The following CFAP107 variants were observed in gnomAD, a reference collection of about 807,000 sequenced individuals.
CFAP107 encodes cilia- and flagella-associated protein 107.
the CFAP107 span, chr1:12,753,299 A>G: frequency 6.6e-6 from 1 of 152,016 alleles, no homozygotes; most frequent in Non-Finnish European, 1.5e-5. Context: ...ACACAAAGCT[A>G]TCTACAGATT....
chr1:12,748,128 T>C, the CFAP107 span, among the ~76,000 whole-genome samples: 1 of 152,172 alleles, frequency 6.6e-6, no homozygotes, highest in Non-Finnish European at 1.5e-5. Flanking sequence ...AAGTGGCAGC[T>C]CGGCTCCAAG....
the CFAP107 span, chr1:12,760,789 A>G: frequency 6.2e-7 from 1 of 1,613,592 alleles, no homozygotes; most frequent in African/African-American, 1.3e-5. Flanking sequence ...CAAACTATGG[A>G]CTCTATGAGC....
At chr1:12,760,136 G>A in the CFAP107 span, among the ~76,000 whole-genome samples, 2 of 152,094 alleles carry the variant, frequency 1.3e-5, no homozygotes, top group South Asian at 2.1e-4. Context: ...GGAAGGAACA[G>A]TAAATGAAAA....
chr1:12,755,865 C>G, the CFAP107 span: 3 of 1,238,318 alleles, frequency 2.4e-6, no homozygotes, highest in Non-Finnish European at 3.5e-6. Context: ...ACCCAAAGCT[C>G]AGGGGACACC....
At chr1:12,751,594 T>C in the CFAP107 span, among the ~76,000 whole-genome samples, 1 of 152,160 alleles carries the variant, frequency 6.6e-6, no homozygotes, top group African/African-American at 2.4e-5. Context: ...ACCACTGCAC[T>C]CCAACCTGGG....
At chr1:12,759,872 TG>T in the CFAP107 span, among the ~76,000 whole-genome samples, 7 of 152,040 alleles carry the variant, frequency 4.6e-5, no homozygotes, top group Non-Finnish European at 1.0e-4. Flanking sequence ...CTCGGGGAGT[TG>T]ACATTCCAGG....
the CFAP107 span, among the ~76,000 whole-genome samples, chr1:12,751,100 A>G: frequency 8.5e-5 from 13 of 152,188 alleles, no homozygotes; most frequent in African/African-American, 2.9e-4. Flanking sequence ...TAATGAAAAT[A>G]CAACATACCA....
the CFAP107 span, among the ~76,000 whole-genome samples, chr1:12,746,770 G>C: frequency 1.3e-5 from 2 of 152,064 alleles, no homozygotes; most frequent in Non-Finnish European, 2.9e-5. Flanking sequence ...TTATCGAAAA[G>C]ACCACTGACA....
At chr1:12,755,823 A>G in the CFAP107 span, 1 of 1,586,560 alleles carries the variant, frequency 6.3e-7, no homozygotes, top group East Asian at 2.2e-5. Flanking sequence ...GGTAAGAGGG[A>G]GTGGCAACTG....
At chr1:12,757,394 T>G in the CFAP107 span, among the ~76,000 whole-genome samples, 3 of 151,852 alleles carry the variant, frequency 2.0e-5, no homozygotes, top group African/African-American at 7.3e-5. Flanking sequence ...TCTTTTCTTT[T>G]TTTTTGAGAT....
chr1:12,755,611 T>C, the CFAP107 span: 2 of 848,268 alleles, frequency 2.4e-6, no homozygotes, highest in Admixed American at 3.7e-5. Flanking sequence ...TCCCTACCCA[T>C]CTTCTGATGG....
At chr1:12,754,268 T>C in the CFAP107 span, among the ~76,000 whole-genome samples, 1 of 152,146 alleles carries the variant, frequency 6.6e-6, no homozygotes, top group South Asian at 2.1e-4. Flanking sequence ...AATAAACACA[T>C]AAACATAGTC....
chr1:12,755,629 G>C, the CFAP107 span: 1 of 1,013,566 alleles, frequency 9.9e-7, no homozygotes. Flanking sequence ...TGGCCCAGGA[G>C]GTAAGGGGAC....
the CFAP107 span, among the ~76,000 whole-genome samples, chr1:12,746,778 ACACT>A: frequency 6.6e-6 from 1 of 152,112 alleles, no homozygotes; most frequent in Non-Finnish European, 1.5e-5. Context: ...AAGACCACTG[ACACT>A]CTCTTACAGA....
the CFAP107 span, among the ~76,000 whole-genome samples, chr1:12,746,927 A>C: frequency 6.6e-6 from 1 of 151,856 alleles, no homozygotes; most frequent in Non-Finnish European, 1.5e-5. Context: ...TTTGAAGAAC[A>C]TTTGCTCTCC....
chr1:12,752,956 G>A, the CFAP107 span, among the ~76,000 whole-genome samples: 235 of 152,168 alleles, frequency 1.5e-3, 1 homozygote, highest in African/African-American at 5.1e-3. Flanking sequence ...TTTATATACA[G>A]GAAACCTCTA....
At chr1:12,759,184 GCCCACGGATGCC>G in the CFAP107 span, 2 of 1,068,262 alleles carry the variant, frequency 1.9e-6, no homozygotes, top group Non-Finnish European at 2.8e-6. Context: ...CCCTTTGCCA[GCCCACGGATGCC>G]CGCTCTCTCC....
At chr1:12,746,526 G>A in the CFAP107 span, 3 of 1,612,054 alleles carry the variant, frequency 1.9e-6, no homozygotes, top group African/African-American at 1.3e-5. Context: ...GAAATTGGAT[G>A]GAAGAGAGGA....
chr1:12,759,198 G>A, the CFAP107 span: 14 of 1,249,452 alleles, frequency 1.1e-5, no homozygotes, highest in South Asian at 9.7e-5. Context: ...ACGGATGCCC[G>A]CTCTCTCCAT....
Sources: allele counts gnomAD v4.1 joint callset (sites outside exome capture counted in the v4.1 genomes callset), GRCh38; gene constraint gnomAD v4.1.1; transcripts MANE v1.5; gene names NCBI Gene and HGNC (gene_info 2026-07-23, HGNC 2026-07-21).